BPTF: variants seen among roughly 807,000 people sequenced by gnomAD.
The protein encoded by BPTF is nucleosome-remodeling factor subunit BPTF.
A neutral mutation model predicts 292.5 loss-of-function variants in BPTF; 18 were observed. The observed-to-expected ratio is 0.06, with a 90% CI of 0.04 to 0.09. The LOEUF is 0.09. Among genes scored for constraint, BPTF ranks in the 10% least tolerant of loss-of-function variants. BPTF has a pLI of 1.00. For synonymous variants in BPTF, 1,225 were observed against 1,251.9 expected, an observed-to-expected ratio of 0.98 and a Z score of 0.45; for missense variants, 2,726 against 3,498.7, an observed-to-expected ratio of 0.78 and a Z score of 5.57.
At chr17:67,829,112 T>TTTG (rs139786693) in intron 1 of BPTF, among the ~76,000 whole-genome samples, 3 of 151,466 alleles carry the variant, frequency 2.0e-5, no homozygotes, top group Non-Finnish European at 2.9e-5. Context: ...GTTTTTGTTT[T>TTTG]TTGTTGTTGT....
At chr17:67,858,045 C>T (rs1274614686) in intron 2 of BPTF, among the ~76,000 whole-genome samples, 1 of 152,110 alleles carries the variant, frequency 6.6e-6, no homozygotes, top group Non-Finnish European at 1.5e-5. Flanking sequence ...CTCAGCCTCC[C>T]AAAGTGCTGG....
At chr17:67,905,435 A>G (rs964478703) in intron 9 of BPTF, among the ~76,000 whole-genome samples, 2 of 151,422 alleles carry the variant, frequency 1.3e-5, no homozygotes, top group African/African-American at 4.9e-5. Flanking sequence ...GGCCAGCCAC[A>G]GTGGCTTACA....
In BPTF at chr17:67,955,056, G is replaced by A. The variant is rs567649216; in HGVS notation, c.7927-4485G>A. 3.3e-5 allele frequency among the ~76,000 whole-genome samples: 5 copies of A among 151,160 alleles called. No individual in the cohort carries two copies. The South Asian group carries it at 8.4e-4, about 25-fold the overall frequency. On this transcript the variant is annotated intron_variant, in intron 23 of 27. Coordinates refer to ENST00000306378, the MANE Select transcript of BPTF (RefSeq NM_182641.4). ...TGTAATCCTAGCACTTTGGGAGGCC[G>A]AGGCGGGCGGATCACGAGGTCAGGA... is the stretch of plus-strand genomic sequence containing the variant.
intron 1 of BPTF, among the ~76,000 whole-genome samples, chr17:67,850,162 G>C (rs1482991587): frequency 2.6e-5 from 4 of 152,028 alleles, no homozygotes; most frequent in African/African-American, 4.8e-5. Context: ...ACTAATTCTT[G>C]TAATAAATGT....
chr17:67,859,370 T>C, intron 2 of BPTF, among the ~76,000 whole-genome samples: 1 of 152,182 alleles, frequency 6.6e-6, no homozygotes, highest in Admixed American at 6.5e-5. Flanking sequence ...GGTCTCAAAC[T>C]CCTGGGTTCA....
At chr17:67,966,719 A>C in intron 26 of BPTF, 63 bp downstream of exon 26, 1 of 1,302,876 alleles carries the variant, frequency 7.7e-7, no homozygotes, top group African/African-American at 1.5e-5. Flanking sequence ...ATTATCCATA[A>C]AATTAATATC....
intron 1 of BPTF, among the ~76,000 whole-genome samples, chr17:67,826,580 T>TCCC (rs11414914): frequency 2.9e-5 from 4 of 137,416 alleles, no homozygotes; most frequent in African/African-American, 5.5e-5. Flanking sequence ...TCGCTCTCTC[T>TCCC]CCCCCCCCCA....
intron 2 of BPTF, among the ~76,000 whole-genome samples, chr17:67,856,353 GT>G (rs2058690542): frequency 1.3e-5 from 2 of 152,050 alleles, no homozygotes; most frequent in South Asian, 4.1e-4. Context: ...CTTGGATATA[GT>G]ATTTTCTCTT....
At chr17:67,963,102 A>G (rs1219478644) in intron 24 of BPTF, among the ~76,000 whole-genome samples, 1 of 152,154 alleles carries the variant, frequency 6.6e-6, no homozygotes, top group African/African-American at 2.4e-5. Flanking sequence ...ATATTTCACT[A>G]AGCAGTGTAC....
chr17:67,843,446 T>C (rs1006536145), intron 1 of BPTF, among the ~76,000 whole-genome samples: 211 of 150,700 alleles, frequency 1.4e-3, no homozygotes, highest in Non-Finnish European at 1.7e-3. Flanking sequence ...CCTCAAGTGA[T>C]CTGCCCTCCT....
chr17:67,960,939 C>T (rs1475334355), intron 24 of BPTF, among the ~76,000 whole-genome samples: 3 of 152,184 alleles, frequency 2.0e-5, no homozygotes, highest in Non-Finnish European at 4.4e-5. Flanking sequence ...TAGGCATCTT[C>T]ACTTTTCATT....
chr17:67,856,230 G>A (rs533107996), intron 2 of BPTF, among the ~76,000 whole-genome samples: 3 of 151,880 alleles, frequency 2.0e-5, no homozygotes, highest in Admixed American at 6.6e-5. Context: ...TATCTTGGTC[G>A]TCCAACCCTG....
intron 20 of BPTF, among the ~76,000 whole-genome samples, chr17:67,944,977 A>G (rs2065687243): frequency 6.6e-6 from 1 of 152,130 alleles, no homozygotes; most frequent in South Asian, 2.1e-4. Flanking sequence ...GCGTGTCCAA[A>G]TGGAGCATTT....
intron 4 of BPTF, among the ~76,000 whole-genome samples, chr17:67,878,594 A>G (rs968323623): frequency 6.6e-6 from 1 of 152,166 alleles, no homozygotes; most frequent in African/African-American, 2.4e-5. Flanking sequence ...CTGAGGGGAC[A>G]TGCTAGTGGG....
chr17:67,913,210 G>T, intron 11 of BPTF, 23 bp downstream of exon 11: 2 of 1,535,540 alleles, frequency 1.3e-6, no homozygotes, highest in Non-Finnish European at 1.7e-6. Context: ...AAATGTATTT[G>T]GGGGAGGGAG....
chr17:67,831,506 A>C (rs1211014789), intron 1 of BPTF, among the ~76,000 whole-genome samples: 1 of 152,152 alleles, frequency 6.6e-6, no homozygotes, highest in Non-Finnish European at 1.5e-5. Context: ...CTGCTCACCC[A>C]CGGGCGTGTT....
At chr17:67,831,731 A>G (rs1031401420) in intron 1 of BPTF, among the ~76,000 whole-genome samples, 26 of 152,030 alleles carry the variant, frequency 1.7e-4, no homozygotes, top group African/African-American at 5.3e-4. Flanking sequence ...ATCCTAGCTG[A>G]TGCCCTTTTC....
In BPTF at chr17:67,903,834, CA is replaced by C. The variant is rs753044214; in HGVS notation, c.2598del (p.Glu867ArgfsTer16). The C allele has an allele frequency of 3.4e-4, 530 of 1,537,806 alleles. No individual in the cohort carries two copies. The highest frequency in any genetic ancestry group is 1.7e-3 in the Admixed American group (88 of 51,140). Reference protein sequence around the residue: ...SIEREEKEKVKKKEKKQEEEE... With the variant: ...SIEREEKEKVXKKEKKQEEEE... ...TTGAAAGAGAAGAAAAGGAGAAAGTCAAAAAAAAAGAGAAGAAACAGGAAGA... is the reference window on the plus strand; with the variant it reads ...TTGAAAGAGAAGAAAAGGAGAAAGTCAAAAAAAAGAGAAGAAACAGGAAGA... On this transcript the variant is annotated frameshift_variant, in exon 8 of 28. Transcript: ENST00000306378. LOFTEE classifies it high-confidence loss of function.
chr17:67,914,412 A>G (rs1216234507), intron 11 of BPTF, among the ~76,000 whole-genome samples: 1 of 152,202 alleles, frequency 6.6e-6, no homozygotes, highest in Non-Finnish European at 1.5e-5. Context: ...GAAAAGTACA[A>G]TTTCTCTGCA....
Sources: allele counts gnomAD v4.1 joint callset (sites outside exome capture counted in the v4.1 genomes callset), GRCh38; gene constraint gnomAD v4.1.1; transcripts MANE v1.5; gene names NCBI Gene and HGNC (gene_info 2026-07-23, HGNC 2026-07-21).